The following SEMA6D variants were observed in gnomAD, a reference collection of about 807,000 sequenced individuals.
SEMA6D encodes semaphorin-6D.
In SEMA6D, 35 loss-of-function variants were observed where a neutral mutation model predicts 106.6. The observed-to-expected ratio is 0.33, with a 90% CI of 0.25 to 0.44. The LOEUF (loss-of-function observed/expected upper bound fraction) is 0.44. Ranked by LOEUF, SEMA6D falls within the 20% of genes least tolerant of loss-of-function variation. The pLI, the probability that SEMA6D is intolerant of heterozygous loss-of-function variation, is 1.00. For missense variants in SEMA6D, 1,185 were observed against 1,345.9 expected (o/e 0.88, Z 1.87); for synonymous variants, 499 against 487.7 (o/e 1.02, Z -0.31).
chr15:47,310,632 G>T (rs1024224741), intron 1 of SEMA6D, among the ~76,000 whole-genome samples: 1 of 151,890 alleles, frequency 6.6e-6, no homozygotes, highest in Non-Finnish European at 1.5e-5. Context: ...TAGTGTTATT[G>T]TTATGGATAT....
chr15:47,512,859 AG>A (rs2044273779), intron 3 of SEMA6D, among the ~76,000 whole-genome samples: 1 of 152,186 alleles, frequency 6.6e-6, no homozygotes, highest in Non-Finnish European at 1.5e-5. Flanking sequence ...TTGTGATTAA[AG>A]ACAGGATTGG....
At chr15:47,498,807 G>A (rs1345764581) in intron 3 of SEMA6D, among the ~76,000 whole-genome samples, 2 of 152,094 alleles carry the variant, frequency 1.3e-5, no homozygotes, top group East Asian at 1.9e-4. Flanking sequence ...CAGGAGAATC[G>A]TGAGAAAGAC....
At chr15:47,426,489 G>C (rs2041344053) in intron 2 of SEMA6D, among the ~76,000 whole-genome samples, 1 of 152,038 alleles carries the variant, frequency 6.6e-6, no homozygotes, top group Admixed American at 6.6e-5. Context: ...GACATTGTGG[G>C]GTACGTGAGG....
At chr15:47,268,466 A>G (rs2034420571) in intron 1 of SEMA6D, among the ~76,000 whole-genome samples, 2 of 152,130 alleles carry the variant, frequency 1.3e-5, no homozygotes, top group Non-Finnish European at 2.9e-5. Context: ...AGTGAGTGTT[A>G]GGAGGGCAGA....
At chr15:47,405,645 C>T (rs998418229) in intron 1 of SEMA6D, among the ~76,000 whole-genome samples, 1 of 152,180 alleles carries the variant, frequency 6.6e-6, no homozygotes, top group Non-Finnish European at 1.5e-5. Context: ...TTCTGCTTCT[C>T]GTGTTGCCTG....
intron 4 of SEMA6D, among the ~76,000 whole-genome samples, chr15:47,648,690 G>A (rs2077627479): frequency 6.6e-6 from 1 of 152,040 alleles, no homozygotes; most frequent in Non-Finnish European, 1.5e-5. Context: ...ACCAAAAATT[G>A]AGTAAATAAT....
At chr15:47,693,553 G>C (rs1486401838) in intron 4 of SEMA6D, among the ~76,000 whole-genome samples, 1 of 152,138 alleles carries the variant, frequency 6.6e-6, no homozygotes, top group Non-Finnish European at 1.5e-5. Context: ...CTAAGACAGT[G>C]ATTCTCAGTC....
chr15:47,335,484 A>G (rs960578375), intron 1 of SEMA6D, among the ~76,000 whole-genome samples: 2 of 152,142 alleles, frequency 1.3e-5, no homozygotes, highest in African/African-American at 4.8e-5. Context: ...AGCACCTCAG[A>G]TGAAGCAGCT....
At chr15:47,328,042 A>G (rs925573671) in intron 1 of SEMA6D, among the ~76,000 whole-genome samples, 7 of 152,214 alleles carry the variant, frequency 4.6e-5, no homozygotes, top group African/African-American at 9.6e-5. Context: ...ACAAATTTGA[A>G]TCCAGATGTG....
intron 17 of SEMA6D, among the ~76,000 whole-genome samples, chr15:47,767,807 T>C (rs2082422381): frequency 6.6e-6 from 1 of 152,230 alleles, no homozygotes; most frequent in Non-Finnish European, 1.5e-5. Context: ...AAGGTTAAGT[T>C]AACTCCCGGT....
At chr15:47,699,167 T>C (rs1431946209) in intron 4 of SEMA6D, among the ~76,000 whole-genome samples, 2 of 152,160 alleles carry the variant, frequency 1.3e-5, no homozygotes, top group African/African-American at 4.8e-5. Flanking sequence ...AGGCCTTTAT[T>C]TTACTTCTCC....
At chr15:47,615,422 A>C (rs1596454569) in intron 4 of SEMA6D, among the ~76,000 whole-genome samples, 2 of 152,310 alleles carry the variant, frequency 1.3e-5, no homozygotes, top group East Asian at 3.9e-4. Flanking sequence ...TATACATGAC[A>C]ACTTCCATGA....
intron 4 of SEMA6D, among the ~76,000 whole-genome samples, chr15:47,657,601 T>C (rs569403146): frequency 6.6e-6 from 1 of 151,802 alleles, no homozygotes; most frequent in Admixed American, 6.6e-5. Flanking sequence ...ATAATGCATG[T>C]TCTCCTTTTT....
intron 1 of SEMA6D, among the ~76,000 whole-genome samples, chr15:47,742,079 G>A (rs2080854032): frequency 2.0e-5 from 3 of 152,186 alleles, no homozygotes; most frequent in Admixed American, 2.0e-4. Context: ...AGGGCAGGAG[G>A]CCTCAGCTGA....
At chr15:47,552,891 A>AT (rs2045790546) in intron 3 of SEMA6D, among the ~76,000 whole-genome samples, 1 of 35,282 alleles carries the variant, frequency 2.8e-5, no homozygotes, top group African/African-American at 1.2e-4. Flanking sequence ...AATATATATA[A>AT]ATATATATAT....
At chr15:47,282,911 C>T (rs143922440) in intron 1 of SEMA6D, among the ~76,000 whole-genome samples, 8 of 152,288 alleles carry the variant, frequency 5.3e-5, no homozygotes, top group African/African-American at 1.9e-4. Context: ...CCAACATTCT[C>T]ATGCCACTTC....
At chr15:47,511,439 G>A (rs1425680576) in intron 3 of SEMA6D, among the ~76,000 whole-genome samples, 1 of 152,104 alleles carries the variant, frequency 6.6e-6, no homozygotes, top group African/African-American at 2.4e-5. Flanking sequence ...GACTTGACCG[G>A]GATTGGACAG....
At chr15:47,272,349 T>C (rs1274562654) in intron 1 of SEMA6D, among the ~76,000 whole-genome samples, 2 of 152,312 alleles carry the variant, frequency 1.3e-5, no homozygotes, top group African/African-American at 2.4e-5. Flanking sequence ...ATGTATCTCT[T>C]ACCTGCAATT....
At chr15:47,413,079 T>C (rs1262149403) in intron 2 of SEMA6D, among the ~76,000 whole-genome samples, 3 of 152,174 alleles carry the variant, frequency 2.0e-5, no homozygotes, top group African/African-American at 7.2e-5. Context: ...ATTGTGTTAC[T>C]GGAAGTTCAT....
Sources: gnomAD v4.1 joint callset for allele counts (sites outside exome capture counted in the v4.1 genomes callset) on GRCh38, gnomAD v4.1.1 for gene constraint, MANE v1.5 for transcripts, NCBI Gene and HGNC (gene_info 2026-07-23, HGNC 2026-07-21) for gene names.